Variants in KNTC1 observed in about 807,000 individuals in gnomAD.
KNTC1 encodes the protein kinetochore-associated protein 1.
In KNTC1, 253 loss-of-function variants were observed where a neutral mutation model predicts 314.4. That is an observed-to-expected ratio of 0.80 (90% confidence interval 0.73 to 0.89). KNTC1 has a LOEUF of 0.89. KNTC1 is among the 40% of genes least tolerant of loss of function. The pLI, the probability that KNTC1 is intolerant of heterozygous loss-of-function variation, is 0.00. For synonymous variants in KNTC1, 901 were observed against 901.4 expected (o/e 1.00, Z 0.01); for missense variants, 2,475 against 2,572.9 (o/e 0.96, Z 0.82).
At chr12:122,540,976 G>T (rs1204655661) in intron 5 of KNTC1, among the ~76,000 whole-genome samples, 1 of 151,988 alleles carries the variant, frequency 6.6e-6, no homozygotes, top group Non-Finnish European at 1.5e-5. Flanking sequence ...CTCGAAACCA[G>T]CCTGGATAAT....
At chr12:122,561,111 A>G (rs2137840864) in intron 18 of KNTC1, among the ~76,000 whole-genome samples, 1 of 152,136 alleles carries the variant, frequency 6.6e-6, no homozygotes, top group East Asian at 1.9e-4. Context: ...CAGGAGTTCA[A>G]GAGCAGCCTG....
At chr12:122,587,907 G>A (rs771983688) in intron 39 of KNTC1, 33 bp downstream of exon 39, 2 of 1,584,332 alleles carry the variant, frequency 1.3e-6, no homozygotes, top group East Asian at 4.5e-5. Flanking sequence ...TTTGACTTGG[G>A]GTGAATATAG....
intron 26 of KNTC1, 110 bp from the exon 27 acceptor site, chr12:122,574,165 TTTTTTTC>T (rs1180242040): frequency 8.5e-6 from 5 of 589,138 alleles, no homozygotes; most frequent in African/African-American, 7.7e-5. Context: ...ATTTTTAGGT[TTTTTTTC>T]TTTTAACACA....
At chr12:122,591,121 A>G (rs567103235) in intron 41 of KNTC1, among the ~76,000 whole-genome samples, 47 of 152,202 alleles carry the variant, frequency 3.1e-4, no homozygotes, top group African/African-American at 8.9e-4. Flanking sequence ...TTGGCCTTTT[A>G]TTATAAAGGA....
intron 26 of KNTC1, 57 bp from the exon 27 acceptor site, chr12:122,574,225 A>AT: frequency 4.9e-6 from 5 of 1,022,742 alleles, no homozygotes; most frequent in South Asian, 1.4e-5. Context: ...TGTATGTGGC[A>AT]TTTTTTTAAT....
intron 16 of KNTC1, among the ~76,000 whole-genome samples, chr12:122,556,137 C>A (rs1963574105): frequency 6.6e-6 from 1 of 151,984 alleles, no homozygotes; most frequent in Non-Finnish European, 1.5e-5. Flanking sequence ...ATGCCTCAGC[C>A]TCTCGAGTAG....
At chr12:122,617,531 T>C (rs536683080) in intron 57 of KNTC1, 42 of 246,450 alleles carry the variant, frequency 1.7e-4, no homozygotes, top group Non-Finnish European at 3.3e-4. Flanking sequence ...GCCAGTGTTC[T>C]TTCCTTATTC....
At chr12:122,535,882 T>C (rs1159290141) in intron 3 of KNTC1, among the ~76,000 whole-genome samples, 1 of 151,262 alleles carries the variant, frequency 6.6e-6, no homozygotes, top group Non-Finnish European at 1.5e-5. Context: ...GCAAGAATAT[T>C]ATGAAAGTTT....
intron 3 of KNTC1, 35 bp from the exon 4 acceptor site, chr12:122,538,304 G>A (rs765409123): frequency 4.1e-6 from 5 of 1,208,388 alleles, no homozygotes; most frequent in African/African-American, 1.5e-5. Flanking sequence ...AAAGATTTTC[G>A]AAGGAAGCTT....
chr12:122,571,795 G>A (rs576884953), intron 24 of KNTC1, among the ~76,000 whole-genome samples: 11 of 151,826 alleles, frequency 7.2e-5, no homozygotes, highest in African/African-American at 2.2e-4. Flanking sequence ...TCAGCCTCCC[G>A]TGTAGCTGGG....
chr12:122,538,552 A>C, intron 4 of KNTC1, 98 bp downstream of exon 4: 1 of 668,834 alleles, frequency 1.5e-6, no homozygotes, highest in Non-Finnish European at 2.4e-6. Flanking sequence ...ATGTGTTTTA[A>C]ATTAAAGCAA....
In KNTC1 at chr12:122,613,172, T is replaced by C. The variant is rs761485749; in HGVS notation, c.5683T>C (p.Tyr1895His). 9 of 1,613,516 alleles carry C rather than the reference T, an allele frequency of 5.6e-6. No individual in the cohort carries two copies. The highest frequency in any genetic ancestry group is 7.6e-6 in the Non-Finnish European group (9 of 1,179,574). The change falls in exon 54 of 64, where the codon TAT becomes CAT. Residue 1895 changes from tyrosine to histidine, a missense_variant. Tyr to His is a moderately conservative substitution (Grantham distance 83). Coordinates refer to ENST00000333479, the MANE Select transcript of KNTC1 (RefSeq NM_014708.6). Reference sequence around the variant, plus strand: ...AACTCGAGCTCTTCAGTGTCTCTTCTATTTGGCTGACAAGGAAACTATAGA... The same window carrying C: ...AACTCGAGCTCTTCAGTGTCTCTTCCATTTGGCTGACAAGGAAACTATAGA... ...HRTRALQCLFYLADKETIESL... is the reference protein window; with the variant it reads ...HRTRALQCLFHLADKETIESL...
At position 122,546,058 on chromosome 12, in the gene KNTC1, A is replaced by C. The variant is rs1485309833; in HGVS notation, c.670-118A>C. Reference sequence around the variant, plus strand: ...CTGGAAGATGAAACCTAGTTAAGTTAGAATATGTAAATATATTTTAAAATT... The same window carrying C: ...CTGGAAGATGAAACCTAGTTAAGTTCGAATATGTAAATATATTTTAAAATT... On this transcript the variant is annotated intron_variant, in intron 8 of 63. Coordinates refer to ENST00000333479, the MANE Select transcript of KNTC1 (RefSeq NM_014708.6). 2.6e-5 allele frequency: 17 copies of C among 665,570 alleles called. No individual in the cohort carries two copies. In the Admixed American group the frequency reaches 4.9e-4, roughly 19 times the overall value. The allele number at this position is 665,570 out of a possible 1,614,324, so 41.2% of individuals were successfully genotyped here. A position where few individuals can be genotyped will look rare whatever the true frequency, so the allele number is the denominator to read the frequency against.
chr12:122,569,473 T>C (rs1348536069), intron 21 of KNTC1, among the ~76,000 whole-genome samples: 1 of 152,208 alleles, frequency 6.6e-6, no homozygotes. Context: ...TGCTACATGA[T>C]AAACTATTTG....
chr12:122,589,776 A>ATTTTTTTT (rs375169727), intron 40 of KNTC1, among the ~76,000 whole-genome samples: 9 of 94,590 alleles, frequency 9.5e-5, no homozygotes, highest in Non-Finnish European at 1.4e-4. Context: ...GGGCCCCCCA[A>ATTTTTTTT]TTTTTTTTTT....
intron 3 of KNTC1, among the ~76,000 whole-genome samples, chr12:122,537,517 C>G (rs1162315143): frequency 6.6e-6 from 1 of 151,640 alleles, no homozygotes; most frequent in Non-Finnish European, 1.5e-5. Flanking sequence ...CTCCTGGGTT[C>G]AAGCGATTCT....
intron 1 of KNTC1, chr12:122,527,740 C>G (rs1014056891): frequency 1.3e-5 from 2 of 152,306 alleles, no homozygotes; most frequent in African/African-American, 4.8e-5. Context: ...TTTGACCCGG[C>G]AGCAGCATCA....
chr12:122,613,053 C>A, intron 53 of KNTC1, 59 bp from the exon 54 acceptor site: 1 of 865,372 alleles, frequency 1.2e-6, no homozygotes, highest in Admixed American at 2.1e-5. Flanking sequence ...TGTTGAAACT[C>A]ATTTACCCAA....
intron 22 of KNTC1, 91 bp downstream of exon 22, chr12:122,569,915 A>C: frequency 8.8e-7 from 1 of 1,138,596 alleles, no homozygotes; most frequent in Non-Finnish European, 1.2e-6. Context: ...ACACCAGTTA[A>C]CACCAGTTAG....
Sources: allele counts gnomAD v4.1 joint callset (sites outside exome capture counted in the v4.1 genomes callset), GRCh38; gene constraint gnomAD v4.1.1; transcripts MANE v1.5; gene names NCBI Gene and HGNC (gene_info 2026-07-23, HGNC 2026-07-21).